MEGF11: variants seen among roughly 807,000 people sequenced by gnomAD.
MEGF11 encodes multiple epidermal growth factor-like domains protein 11.
MEGF11 carries 126 observed loss-of-function variants against 146.6 expected under a neutral mutation model. That is an observed-to-expected ratio of 0.86 (90% CI 0.74 to 1.00). The LOEUF (loss-of-function observed/expected upper bound fraction) is 1.00. Among genes scored for constraint, MEGF11 ranks in the 50% least tolerant of loss-of-function variants. MEGF11 has a pLI of 0.00. For synonymous variants in MEGF11, 532 were observed against 583.4 expected, an observed-to-expected ratio of 0.91 and a Z score of 1.27; for missense variants, 1,509 against 1,521.2, an observed-to-expected ratio of 0.99 and a Z score of 0.13.
At chr15:66,135,889 A>G (rs1266670982) in intron 1 of MEGF11, among the ~76,000 whole-genome samples, 1 of 152,132 alleles carries the variant, frequency 6.6e-6, no homozygotes, top group Non-Finnish European at 1.5e-5. Flanking sequence ...AACCTCTCTG[A>G]GTTTCACTCT....
intron 5 of MEGF11, among the ~76,000 whole-genome samples, chr15:66,047,962 T>TC (rs973187346): frequency 7.3e-5 from 11 of 150,164 alleles, no homozygotes; most frequent in Admixed American, 1.3e-4. Context: ...TGTTTTTTTT[T>TC]TTTCTTTTTT....
chr15:66,051,073 C>T (rs942911461), intron 5 of MEGF11, among the ~76,000 whole-genome samples: 9 of 152,238 alleles, frequency 5.9e-5, no homozygotes, highest in Non-Finnish European at 8.8e-5. Context: ...ATCATTACAA[C>T]GAACACTATG....
intron 1 of MEGF11, among the ~76,000 whole-genome samples, chr15:66,154,432 G>A (rs897289408): frequency 2.0e-5 from 3 of 152,160 alleles, no homozygotes; most frequent in African/African-American, 2.4e-5. Context: ...TGGGCTCTTC[G>A]GAGCAGAGAG....
chr15:66,238,056 A>G (rs2092133290), intron 1 of MEGF11, among the ~76,000 whole-genome samples: 1 of 152,242 alleles, frequency 6.6e-6, no homozygotes, highest in Non-Finnish European at 1.5e-5. Context: ...AATCACAGCC[A>G]CAAAAATCTC....
At chr15:66,001,181 C>T (rs541375363) in intron 5 of MEGF11, among the ~76,000 whole-genome samples, 1 of 152,170 alleles carries the variant, frequency 6.6e-6, no homozygotes, top group Non-Finnish European at 1.5e-5. Context: ...GGAGAGGCTC[C>T]CTGCTGCTCT....
intron 5 of MEGF11, among the ~76,000 whole-genome samples, chr15:66,009,522 T>G (rs28707245): frequency 0.021 from 3,192 of 151,182 alleles, 100 homozygotes; most frequent in African/African-American, 0.071. Context: ...GTTGTAGGGG[T>G]GGGTATTTCA....
intron 5 of MEGF11, among the ~76,000 whole-genome samples, chr15:66,035,519 T>G (rs1305066491): frequency 6.6e-6 from 1 of 152,168 alleles, no homozygotes; most frequent in Non-Finnish European, 1.5e-5. Context: ...CTAGCCAAAT[T>G]CTACTCCTCC....
intron 9 of MEGF11, among the ~76,000 whole-genome samples, chr15:65,964,533 T>C (rs986818393): frequency 2.6e-5 from 4 of 152,280 alleles, no homozygotes; most frequent in African/African-American, 9.6e-5. Context: ...TCCAGGACAA[T>C]GTGCTCAGAG....
chr15:65,964,656 T>C (rs1454288597), intron 9 of MEGF11, among the ~76,000 whole-genome samples: 2 of 152,198 alleles, frequency 1.3e-5, no homozygotes, highest in Non-Finnish European at 2.9e-5. Flanking sequence ...CAGGCACATT[T>C]GGAAATGCAG....
rs140792389 is a variant in MEGF11 at position 65,999,936 on chromosome 15, A to G, written c.395-17448T>C. 7.0e-3 allele frequency among the ~76,000 whole-genome samples: 1,067 copies of G among 152,300 alleles called. 3 individuals carry two copies. The highest frequency in any genetic ancestry group is 9.0e-3 in the Non-Finnish European group (611 of 68,030). The stretch of plus-strand genomic sequence containing the variant: ...TGGGCTTCCCCAGAAGCAGACCCTG[A>G]GGTGGCTCCAGGAAGCCAGGTAAGG... On this transcript the variant is annotated intron_variant, in intron 5 of 25. Coordinates refer to ENST00000395614, the MANE Select transcript of MEGF11 (RefSeq NM_001385028.1).
intron 1 of MEGF11, among the ~76,000 whole-genome samples, chr15:66,162,039 T>A (rs2089967257): frequency 6.6e-6 from 1 of 152,182 alleles, no homozygotes; most frequent in Non-Finnish European, 1.5e-5. Flanking sequence ...TCTGAGATGA[T>A]TTGAGGCCCA....
At chr15:65,923,046 T>C in intron 13 of MEGF11, 77 bp from the exon 14 acceptor site, 1 of 1,498,786 alleles carries the variant, frequency 6.7e-7, no homozygotes, top group East Asian at 2.4e-5. Flanking sequence ...AGGGGGACAG[T>C]GCAGTATGAA....
At chr15:66,159,077 G>A (rs2089863268) in intron 1 of MEGF11, among the ~76,000 whole-genome samples, 1 of 152,220 alleles carries the variant, frequency 6.6e-6, no homozygotes, top group Non-Finnish European at 1.5e-5. Context: ...CTTAGCTTGA[G>A]TAATAATGAT....
At chr15:65,944,862 C>T (rs542367630) in intron 10 of MEGF11, among the ~76,000 whole-genome samples, 2 of 151,660 alleles carry the variant, frequency 1.3e-5, no homozygotes, top group East Asian at 1.9e-4. Context: ...CTGGTCCATC[C>T]GCATCCCCAA....
intron 5 of MEGF11, among the ~76,000 whole-genome samples, chr15:65,987,208 T>C (rs1331327666): frequency 6.6e-6 from 1 of 152,222 alleles, no homozygotes; most frequent in Non-Finnish European, 1.5e-5. Context: ...AGTCATGAGA[T>C]AAAGGTGCAA....
intron 16 of MEGF11, 52 bp from the exon 17 acceptor site, chr15:65,917,008 CGG>C (rs1231671341): frequency 4.2e-6 from 6 of 1,434,648 alleles, no homozygotes; most frequent in Non-Finnish European, 5.5e-6. Context: ...GAGGGGCAGA[CGG>C]AGAGGGAGAA....
At chr15:65,922,765 G>A in intron 14 of MEGF11, 58 bp downstream of exon 14, 1 of 1,571,028 alleles carries the variant, frequency 6.4e-7, no homozygotes, top group Non-Finnish European at 8.7e-7. Context: ...GTTCCAACTG[G>A]AGAGGGCTAG....
At chr15:66,055,820 G>T (rs1461960344) in intron 5 of MEGF11, among the ~76,000 whole-genome samples, 1 of 152,118 alleles carries the variant, frequency 6.6e-6, no homozygotes, top group African/African-American at 2.4e-5. Context: ...GATTCGGGAG[G>T]CTCTGCAGTT....
At chr15:66,085,249 A>G (rs2086059328) in intron 5 of MEGF11, among the ~76,000 whole-genome samples, 1 of 152,184 alleles carries the variant, frequency 6.6e-6, no homozygotes, top group African/African-American at 2.4e-5. Flanking sequence ...CCATCCTGGT[A>G]GCAGAAGACA....
Sources: gnomAD v4.1 joint callset for allele counts (sites outside exome capture counted in the v4.1 genomes callset) on GRCh38, gnomAD v4.1.1 for gene constraint, MANE v1.5 for transcripts, NCBI Gene and HGNC (gene_info 2026-07-23, HGNC 2026-07-21) for gene names.